The following NAALADL2 variants were observed in gnomAD, a reference collection of about 807,000 sequenced individuals.
NAALADL2 encodes inactive N-acetylated-alpha-linked acidic dipeptidase-like protein 2.
A neutral mutation model predicts 87.2 loss-of-function variants in NAALADL2; 76 were observed. That is an observed-to-expected ratio of 0.87 (90% CI 0.72 to 1.05). NAALADL2 has a LOEUF of 1.05. NAALADL2 is among the 50% of genes least tolerant of loss of function. The pLI is 0.00. For synonymous variants in NAALADL2, 354 were observed against 331.0 expected, an observed-to-expected ratio of 1.07 and a Z score of -0.75; for missense variants, 1,089 against 945.8, an observed-to-expected ratio of 1.15 and a Z score of -1.99.
chr3:175,671,135 G>A (rs1259739661), intron 11 of NAALADL2, among the ~76,000 whole-genome samples: 1 of 151,252 alleles, frequency 6.6e-6, no homozygotes, highest in Non-Finnish European at 1.5e-5. Context: ...CTTAAGTCAT[G>A]ACTTAAGACT....
At chr3:175,006,534 C>A (rs1451069841) in intron 1 of NAALADL2, among the ~76,000 whole-genome samples, 1 of 152,058 alleles carries the variant, frequency 6.6e-6, no homozygotes, top group Non-Finnish European at 1.5e-5. Flanking sequence ...GCTCTTTAAA[C>A]CTACTTCTAA....
chr3:174,793,768 T>C (rs905711422), intron 3 of NAALADL2, among the ~76,000 whole-genome samples: 2 of 152,054 alleles, frequency 1.3e-5, no homozygotes, highest in African/African-American at 4.8e-5. Flanking sequence ...AGGTACTGTT[T>C]ACAGGTTTTG....
intron 9 of NAALADL2, among the ~76,000 whole-genome samples, chr3:175,517,147 T>C (rs1731958017): frequency 6.6e-6 from 1 of 152,224 alleles, no homozygotes; most frequent in Admixed American, 6.5e-5. Context: ...CTATGCCCTT[T>C]ATATTTCTTC....
chr3:175,276,439 G>C (rs1279232075), intron 4 of NAALADL2, among the ~76,000 whole-genome samples: 1 of 151,974 alleles, frequency 6.6e-6, no homozygotes, highest in South Asian at 2.1e-4. Context: ...AAGTAGCTGG[G>C]ACTACAGGCA....
intron 11 of NAALADL2, among the ~76,000 whole-genome samples, chr3:175,685,919 A>G (rs1348941870): frequency 6.6e-6 from 1 of 152,304 alleles, no homozygotes; most frequent in Non-Finnish European, 1.5e-5. Context: ...ATTAACGTCA[A>G]AGCACCCAGA....
intron 1 of NAALADL2, among the ~76,000 whole-genome samples, chr3:175,005,542 G>A (rs1748894980): frequency 6.6e-6 from 1 of 152,032 alleles, no homozygotes; most frequent in Non-Finnish European, 1.5e-5. Context: ...ATTTGTTAAA[G>A]GAATAAATAA....
chr3:174,695,269 T>A (rs1728917028), intron 2 of NAALADL2, among the ~76,000 whole-genome samples: 1 of 152,038 alleles, frequency 6.6e-6, no homozygotes, highest in South Asian at 2.1e-4. Flanking sequence ...ATGAGAACAT[T>A]TTAATTTCAT....
chr3:174,822,441 A>C (rs1721530185), intron 3 of NAALADL2, among the ~76,000 whole-genome samples: 1 of 152,192 alleles, frequency 6.6e-6, no homozygotes, highest in Non-Finnish European at 1.5e-5. Flanking sequence ...TTTTGGGCCA[A>C]ATATAAAAAT....
chr3:175,575,999 G>C, intron 9 of NAALADL2, 42 bp from the exon 10 acceptor site: 2 of 1,534,676 alleles, frequency 1.3e-6, no homozygotes, highest in East Asian at 2.3e-5. Flanking sequence ...GGATGACCTG[G>C]GAAGCATAGT....
intron 3 of NAALADL2, among the ~76,000 whole-genome samples, chr3:175,240,721 TC>T (rs1449505242): frequency 6.6e-6 from 1 of 152,106 alleles, no homozygotes; most frequent in Non-Finnish European, 1.5e-5. Flanking sequence ...AATGGCACGA[TC>T]TCAACTCACT....
intron 11 of NAALADL2, among the ~76,000 whole-genome samples, chr3:175,697,941 GTA>G (rs1738160987): frequency 1.7e-4 from 1 of 5,952 alleles, no homozygotes; most frequent in Non-Finnish European, 2.6e-4. Context: ...ATATATATGT[GTA>G]TATATGTATG....
intron 2 of NAALADL2, among the ~76,000 whole-genome samples, chr3:175,141,070 T>C (rs536782380): frequency 1.7e-4 from 26 of 152,246 alleles, no homozygotes; most frequent in African/African-American, 6.3e-4. Flanking sequence ...ACATGTAATA[T>C]GGTAGATATG....
At position 175,377,322 on chromosome 3, in the gene NAALADL2, AC is replaced by A. The variant is rs1231660066; in HGVS notation, c.1090+52998del. On this transcript the variant is annotated intron_variant, in intron 5 of 13. Transcript: ENST00000454872. ...GTGACACTCTGTTTCAAAAACAAAA[AC>A]AAAAAAATCATCAAATTTGTTTATA... Among the ~76,000 whole-genome samples, 3 of 152,168 alleles carry A rather than the reference AC, an allele frequency of 2.0e-5. No homozygotes were observed. In the East Asian group the frequency reaches 5.8e-4, roughly 29 times the overall value.
At chr3:175,799,340 A>G (rs1576868160) in intron 13 of NAALADL2, among the ~76,000 whole-genome samples, 1 of 149,886 alleles carries the variant, frequency 6.7e-6, no homozygotes, top group Non-Finnish European at 1.5e-5. Context: ...TACATAGCTG[A>G]ATAATTAAAA....
intron 5 of NAALADL2, among the ~76,000 whole-genome samples, chr3:175,423,914 C>A (rs1443142331): frequency 1.3e-5 from 2 of 152,160 alleles, no homozygotes; most frequent in East Asian, 3.9e-4. Flanking sequence ...TGTCCACATC[C>A]TCTCCAGCAC....
chr3:174,622,622 A>C (rs369220231), intron 2 of NAALADL2, among the ~76,000 whole-genome samples: 1 of 152,210 alleles, frequency 6.6e-6, no homozygotes, highest in Non-Finnish European at 1.5e-5. Context: ...TATATGTATG[A>C]TATACTGTAT....
chr3:175,042,653 C>A (rs1754223006), intron 1 of NAALADL2, among the ~76,000 whole-genome samples: 1 of 152,146 alleles, frequency 6.6e-6, no homozygotes, highest in Non-Finnish European at 1.5e-5. Flanking sequence ...TGATATCTCA[C>A]TGAGATTTTG....
chr3:175,407,136 A>T (rs908356488), intron 5 of NAALADL2, among the ~76,000 whole-genome samples: 1 of 152,150 alleles, frequency 6.6e-6, no homozygotes, highest in African/African-American at 2.4e-5. Context: ...GTGAGCCAAG[A>T]TCACACCACT....
intron 9 of NAALADL2, among the ~76,000 whole-genome samples, chr3:175,516,704 G>A (rs924326937): frequency 6.6e-6 from 1 of 152,106 alleles, no homozygotes; most frequent in Non-Finnish European, 1.5e-5. Context: ...TCTAAATTGC[G>A]ATCACTTTAC....
Sources: gnomAD v4.1 joint callset for allele counts (sites outside exome capture counted in the v4.1 genomes callset) on GRCh38, gnomAD v4.1.1 for gene constraint, MANE v1.5 for transcripts, NCBI Gene and HGNC (gene_info 2026-07-23, HGNC 2026-07-21) for gene names.